Variants in SLC2A12 observed in about 807,000 individuals in gnomAD.
SLC2A12 encodes solute carrier family 2 member 12, also known as solute carrier family 2, facilitated glucose transporter member 12.
SLC2A12 carries 23 observed loss-of-function variants against 41.8 expected under a neutral mutation model. That is an observed-to-expected ratio of 0.55 (90% CI 0.40 to 0.78). The LOEUF (loss-of-function observed/expected upper bound fraction) is 0.78, where lower values mean the gene tolerates loss of function less well. Among genes scored for constraint, SLC2A12 ranks in the 30% least tolerant of loss-of-function variants. The pLI, the probability that SLC2A12 is intolerant of heterozygous loss-of-function variation, is 0.00. For synonymous variants in SLC2A12, 295 were observed against 285.9 expected (o/e 1.03, Z -0.32); for missense variants, 654 against 745.6 (o/e 0.88, Z 1.43).
chr6:134,036,332 C>T (rs780116903), intron 1 of SLC2A12, among the ~76,000 whole-genome samples: 7 of 152,132 alleles, frequency 4.6e-5, no homozygotes, highest in Admixed American at 3.3e-4. Flanking sequence ...CCTTCCTGTG[C>T]TCTTTCTCCC....
Position 134,045,171 on chromosome 6 carries a change from G to A in SLC2A12, c.103+7207C>T, listed in dbSNP as rs6918579. ...AGGTGCATGAAATATATATTTTATC[G>A]AGAAACTTATAATCTTATAGAAAAA... On this transcript the variant is annotated intron_variant, in intron 1 of 4. Transcript: ENST00000275230. Among the ~76,000 whole-genome samples, 229 of 152,274 alleles carry A rather than the reference G, an allele frequency of 1.5e-3. 1 individual carries two copies. The highest frequency in any genetic ancestry group is 5.3e-3 in the African/African-American group (220 of 41,544).
In SLC2A12 at chr6:134,029,308, G is replaced by A; in HGVS notation, c.517C>T (p.Leu173=). The A allele has an allele frequency of 6.2e-7, 1 of 1,614,206 alleles. No individual in the cohort carries two copies. Among genetic ancestry groups the A allele is most frequent in the Non-Finnish European group, 8.5e-7 (1 of 1,180,034 alleles). ...GAAAGAATGCCGATGACAATCATCA[G>A]CTCATTCAGTGACACAAGAAGGCCT... ...RRGLLVSLNE[L]MIVIGILSAY... is the part of the protein sequence containing the mutation. The change falls in exon 2 of 5, where the codon CTG becomes TTG. Residue 173 remains leucine (L), a synonymous_variant. Transcript: ENST00000275230.
chr6:134,006,708 G>A (rs1776820368), intron 3 of SLC2A12, 104 bp downstream of exon 3: 1 of 1,428,348 alleles, frequency 7.0e-7, no homozygotes, highest in Non-Finnish European at 9.5e-7. Context: ...CCTTCTAAGT[G>A]TGTTTGAAAA....
At chr6:134,045,285 T>C (rs1777442769) in intron 1 of SLC2A12, among the ~76,000 whole-genome samples, 1 of 152,152 alleles carries the variant, frequency 6.6e-6, no homozygotes, top group African/African-American at 2.4e-5. Flanking sequence ...AATTCACAGA[T>C]TGGAAAGTAG....
intron 1 of SLC2A12, among the ~76,000 whole-genome samples, chr6:134,031,803 G>C (rs1777212048): frequency 6.6e-6 from 1 of 152,186 alleles, no homozygotes; most frequent in Admixed American, 6.5e-5. Context: ...GATAGGTCAA[G>C]CCTGGACATA....
intron 1 of SLC2A12, 82 bp downstream of exon 1, chr6:134,052,296 C>A (rs1773699273): frequency 7.1e-6 from 8 of 1,119,670 alleles, no homozygotes; most frequent in South Asian, 1.4e-5. Context: ...CACACACACA[C>A]GGGACTCAAG....
chr6:134,016,354 T>G (rs2114450896), intron 2 of SLC2A12, among the ~76,000 whole-genome samples: 1 of 152,240 alleles, frequency 6.6e-6, no homozygotes, highest in Admixed American at 6.5e-5. Flanking sequence ...TAGCTTACTC[T>G]CTATTATGAA....
intron 2 of SLC2A12, among the ~76,000 whole-genome samples, chr6:134,009,882 T>C (rs780683425): frequency 1.3e-5 from 2 of 152,054 alleles, no homozygotes; most frequent in Non-Finnish European, 2.9e-5. Flanking sequence ...TAAACAATGA[T>C]TCCAGATTGT....
chr6:134,024,802 C>G (rs1777092618), intron 2 of SLC2A12, among the ~76,000 whole-genome samples: 1 of 152,036 alleles, frequency 6.6e-6, no homozygotes, highest in African/African-American at 2.4e-5. Flanking sequence ...GGTGTCTGAC[C>G]CTGGGCACCT....
At chr6:134,006,722 CCA>C in intron 3 of SLC2A12, 88 bp downstream of exon 3, 3 of 1,512,604 alleles carry the variant, frequency 2.0e-6, no homozygotes. Flanking sequence ...TTGAAAATTT[CCA>C]CGAAAAAATG....
At chr6:134,019,217 C>T (rs896931427) in intron 2 of SLC2A12, among the ~76,000 whole-genome samples, 1 of 152,054 alleles carries the variant, frequency 6.6e-6, no homozygotes, top group African/African-American at 2.4e-5. Context: ...ATAAAAAAAA[C>T]AGTCACATAT....
At chr6:133,994,924 C>T (rs1464773976) in intron 4 of SLC2A12, among the ~76,000 whole-genome samples, 2 of 152,138 alleles carry the variant, frequency 1.3e-5, no homozygotes, top group African/African-American at 4.8e-5. Flanking sequence ...TATCCCCAGC[C>T]AAGAGCACTA....
intron 1 of SLC2A12, among the ~76,000 whole-genome samples, chr6:134,039,300 T>C (rs1219715668): frequency 1.3e-5 from 2 of 152,196 alleles, no homozygotes; most frequent in East Asian, 3.8e-4. Flanking sequence ...TCCCTTCCAC[T>C]CTACACGTCA....
At chr6:134,052,253 AC>A (rs1773698255) in intron 1 of SLC2A12, 124 bp downstream of exon 1, 1 of 394,988 alleles carries the variant, frequency 2.5e-6, no homozygotes, top group African/African-American at 4.2e-5. Context: ...GCGCGCATAC[AC>A]ACACACACAC....
At chr6:134,039,301 C>G (rs147728823) in intron 1 of SLC2A12, among the ~76,000 whole-genome samples, 91 of 152,302 alleles carry the variant, frequency 6.0e-4, no homozygotes, top group African/African-American at 2.0e-3. Context: ...CCCTTCCACT[C>G]TACACGTCAT....
At chr6:134,009,023 T>C (rs1241257441) in intron 2 of SLC2A12, 1 of 152,138 alleles carries the variant, frequency 6.6e-6, no homozygotes, top group Non-Finnish European at 1.5e-5. Context: ...TTTAGTGAGA[T>C]TTGGGGAGAA....
At chr6:134,010,227 G>A (rs569963169) in intron 2 of SLC2A12, among the ~76,000 whole-genome samples, 72 of 152,292 alleles carry the variant, frequency 4.7e-4, no homozygotes, top group Non-Finnish European at 7.9e-4. Flanking sequence ...TTCCCAATGA[G>A]ATGGCCCAAT....
chr6:134,010,011 A>G (rs143020441), intron 2 of SLC2A12, among the ~76,000 whole-genome samples: 61 of 152,318 alleles, frequency 4.0e-4, no homozygotes, highest in African/African-American at 1.5e-3. Context: ...GAAGCAAGAC[A>G]GTGCCAGAAT....
chr6:134,013,238 G>GGTT (rs1776911748), intron 2 of SLC2A12, among the ~76,000 whole-genome samples: 1 of 151,682 alleles, frequency 6.6e-6, no homozygotes, highest in African/African-American at 2.4e-5. Flanking sequence ...TGGAGGTGGA[G>GGTT]GTTGCATCAT....
Sources: gnomAD v4.1 joint callset for allele counts (sites outside exome capture counted in the v4.1 genomes callset) on GRCh38, gnomAD v4.1.1 for gene constraint, MANE v1.5 for transcripts, NCBI Gene and HGNC (gene_info 2026-07-23, HGNC 2026-07-21) for gene names.